Variants in MACROD2 observed in about 807,000 individuals in gnomAD.
The protein encoded by MACROD2 is mono-ADP ribosylhydrolase 2.
In MACROD2, 36 loss-of-function variants were observed where a neutral mutation model predicts 70.4. The ratio of observed to expected loss-of-function variants is 0.51; its 90% confidence interval spans 0.39 to 0.68. The LOEUF (loss-of-function observed/expected upper bound fraction) is 0.68. MACROD2 is among the 30% of genes least tolerant of loss of function. The probability of loss-of-function intolerance (pLI) is 0.00; values close to 1 mark genes in which losing one functional copy is unlikely to be tolerated. For synonymous variants in MACROD2, 172 were observed against 178.8 expected, an observed-to-expected ratio of 0.96 and a Z score of 0.30; for missense variants, 496 against 538.4, an observed-to-expected ratio of 0.92 and a Z score of 0.78.
chr20:15,861,162 T>C (rs1404868873), intron 8 of MACROD2, among the ~76,000 whole-genome samples: 9 of 152,194 alleles, frequency 5.9e-5, no homozygotes, highest in Admixed American at 5.9e-4. Flanking sequence ...TACTTATGAA[T>C]AGATCCCTAC....
intron 6 of MACROD2, among the ~76,000 whole-genome samples, chr20:15,412,801 A>T (rs2046096178): frequency 6.6e-6 from 1 of 152,202 alleles, no homozygotes; most frequent in Non-Finnish European, 1.5e-5. Context: ...ATTAAGATCT[A>T]AATATATCTC....
intron 12 of MACROD2, among the ~76,000 whole-genome samples, chr20:15,964,117 A>G (rs1343314438): frequency 1.3e-5 from 2 of 152,214 alleles, no homozygotes; most frequent in Non-Finnish European, 2.9e-5. Context: ...AATTAAGTAA[A>G]ATGCAAATCC....
chr20:15,297,997 A>G (rs1480803852), intron 6 of MACROD2, among the ~76,000 whole-genome samples: 2 of 152,202 alleles, frequency 1.3e-5, no homozygotes, highest in Admixed American at 6.5e-5. Context: ...ATTGTCCTTC[A>G]AAGAGATGGC....
intron 8 of MACROD2, among the ~76,000 whole-genome samples, chr20:15,549,236 ATTC>A (rs1414256438): frequency 3.3e-5 from 5 of 152,224 alleles, no homozygotes; most frequent in Admixed American, 2.6e-4. Flanking sequence ...AAATGGGCTA[ATTC>A]TTCTTCTAGT....
intron 6 of MACROD2, among the ~76,000 whole-genome samples, chr20:15,362,221 T>C (rs1372854932): frequency 6.6e-6 from 1 of 151,940 alleles, no homozygotes; most frequent in Non-Finnish European, 1.5e-5. Context: ...CTAGAACTCC[T>C]GACCTCAGGT....
chr20:14,426,076 C>T (rs146682784), intron 3 of MACROD2, among the ~76,000 whole-genome samples: 27 of 152,130 alleles, frequency 1.8e-4, no homozygotes, highest in African/African-American at 6.3e-4. Context: ...TATTTCTATC[C>T]GTTGTAATAA....
At chr20:14,202,533 A>T (rs903498936) in intron 3 of MACROD2, among the ~76,000 whole-genome samples, 11 of 152,242 alleles carry the variant, frequency 7.2e-5, no homozygotes, top group Non-Finnish European at 1.5e-4. Context: ...CTCCATAATT[A>T]TGTCTCTTTT....
At position 15,731,022 on chromosome 20, in the gene MACROD2, A is replaced by G. The variant is rs183348407; in HGVS notation, c.646-131723A>G. Among the ~76,000 whole-genome samples the G allele has an allele frequency of 5.1e-5, 3 of 58,666 alleles. 1 individual carries two copies. In the East Asian group the frequency reaches 8.3e-4, roughly 16 times the overall value. The allele number at this position is 58,666 out of a possible 152,430, so 38.5% of individuals were successfully genotyped here. A position where few individuals can be genotyped will look rare whatever the true frequency, so the allele number is the denominator to read the frequency against. ...TTGAGGTGAGTTTTTCAGCTCTATC[A>G]GATCAGTTTGGTTGTTTCTTAAAAT... On this transcript the variant is annotated intron_variant, in intron 8 of 17. Coordinates refer to ENST00000684519, the MANE Select transcript of MACROD2 (RefSeq NM_001351661.2).
intron 5 of MACROD2, among the ~76,000 whole-genome samples, chr20:14,913,507 C>T: frequency 6.6e-6 from 1 of 150,792 alleles, no homozygotes; most frequent in South Asian, 2.1e-4. Context: ...GGCAACATAG[C>T]AAGACTCCGT....
intron 7 of MACROD2, among the ~76,000 whole-genome samples, chr20:15,496,375 G>A (rs1226768211): frequency 6.6e-6 from 1 of 152,206 alleles, no homozygotes; most frequent in Admixed American, 6.5e-5. Context: ...TCTTGTGGAT[G>A]TTGAAATCAC....
intron 4 of MACROD2, among the ~76,000 whole-genome samples, chr20:14,579,216 A>G (rs1026706995): frequency 7.5e-6 from 1 of 132,456 alleles, no homozygotes; most frequent in African/African-American, 2.9e-5. Flanking sequence ...ATCTCGGCTC[A>G]CTGCAAGCTC....
intron 5 of MACROD2, among the ~76,000 whole-genome samples, chr20:15,132,225 AAG>A (rs2076111774): frequency 6.6e-6 from 1 of 152,020 alleles, no homozygotes. Flanking sequence ...GTAAAATAAA[AAG>A]TTTTCAGCTG....
chr20:14,331,809 A>T (rs148828471), intron 3 of MACROD2, among the ~76,000 whole-genome samples: 2 of 152,086 alleles, frequency 1.3e-5, no homozygotes, highest in African/African-American at 2.4e-5. Flanking sequence ...CTGGATCTAC[A>T]TATTTGCGCA....
At chr20:14,159,034 TGA>T (rs1167658478) in intron 3 of MACROD2, among the ~76,000 whole-genome samples, 1 of 151,844 alleles carries the variant, frequency 6.6e-6, no homozygotes, top group Non-Finnish European at 1.5e-5. Flanking sequence ...GTCAGGAGTT[TGA>T]GACCAGCCTG....
chr20:15,507,934 G>A (rs2047449209), intron 8 of MACROD2, among the ~76,000 whole-genome samples: 2 of 152,212 alleles, frequency 1.3e-5, no homozygotes, highest in South Asian at 4.1e-4. Context: ...TTACCAGTTA[G>A]CCAGTGATGG....
At chr20:15,564,908 C>G (rs967335388) in intron 8 of MACROD2, among the ~76,000 whole-genome samples, 1 of 152,114 alleles carries the variant, frequency 6.6e-6, no homozygotes, top group African/African-American at 2.4e-5. Flanking sequence ...TACATGACCC[C>G]AGATAAACTA....
rs768993143 is a variant in MACROD2 at position 14,325,785 on chromosome 20, G to A, written c.272-167694G>A. 2.5e-6 allele frequency: 4 copies of A among 1,613,898 alleles called. No individual in the cohort carries two copies. The South Asian group carries it at 4.4e-5, about 18-fold the overall frequency. On this transcript the variant is annotated intron_variant, in intron 3 of 17. Transcript: ENST00000684519. Reference sequence around the variant, plus strand: ...CCTTCTTAGTGCCAGCTTCTGCATAGTCATCCTTTCTTCTCCTCCCTTTGC... The same window carrying A: ...CCTTCTTAGTGCCAGCTTCTGCATAATCATCCTTTCTTCTCCTCCCTTTGC...
intron 5 of MACROD2, among the ~76,000 whole-genome samples, chr20:14,724,469 G>GT (rs1317575137): frequency 6.6e-6 from 1 of 152,104 alleles, no homozygotes; most frequent in African/African-American, 2.4e-5. Flanking sequence ...GACTTCTACT[G>GT]AAAGGAAATA....
intron 5 of MACROD2, among the ~76,000 whole-genome samples, chr20:14,862,600 A>T (rs1156765354): frequency 3.4e-5 from 1 of 29,074 alleles, no homozygotes; most frequent in Non-Finnish European, 5.7e-5. Flanking sequence ...TATATATATA[A>T]ATATAAATAT....
Sources: allele counts gnomAD v4.1 joint callset (sites outside exome capture counted in the v4.1 genomes callset), GRCh38; gene constraint gnomAD v4.1.1; transcripts MANE v1.5; gene names NCBI Gene and HGNC (gene_info 2026-07-23, HGNC 2026-07-21).